SLC11A1: variants seen among roughly 807,000 people sequenced by gnomAD.
The protein encoded by SLC11A1 is natural resistance-associated macrophage protein 1.
SLC11A1 carries 59 observed loss-of-function variants against 63.2 expected under a neutral mutation model. The ratio of observed to expected loss-of-function variants is 0.93; its 90% CI spans 0.76 to 1.16. The LOEUF is 1.16. SLC11A1 is among the 50% of genes most tolerant of loss of function. The pLI, the probability that SLC11A1 is intolerant of heterozygous loss-of-function variation, is 0.00. For synonymous variants in SLC11A1, 305 were observed against 307.8 expected (o/e 0.99, Z 0.09); for missense variants, 688 against 730.7 (o/e 0.94, Z 0.67).
rs754247821 is a variant in SLC11A1 at position 218,389,880 on chromosome 2, T to C, written c.806T>C (p.Ile269Thr). ...LHSALVKSRE[I>T]DRARRADIRE... ...CTTTGATCTTCGTAGTCTCGAGAGA[T>C]AGACCGGGCCCGCCGAGCAGACATC... The change falls in exon 9 of 15, where the codon ATA (isoleucine) becomes ACA (threonine). Residue 269 changes from isoleucine to threonine, a missense_variant. Transcript: ENST00000233202. The C allele has an allele frequency of 5.1e-5, 82 of 1,611,020 alleles. 1 individual carries two copies. The South Asian group carries it at 8.4e-4, about 16-fold the overall frequency.
chr2:218,390,800 C>T (rs1432672941), intron 9 of SLC11A1, among the ~76,000 whole-genome samples: 8 of 152,174 alleles, frequency 5.3e-5, no homozygotes, highest in Admixed American at 5.2e-4. Context: ...GTGATGCCAG[C>T]TCTTACGAAC....
At position 218,394,148 on chromosome 2, in the gene SLC11A1, C is replaced by T. The variant is rs762026701; in HGVS notation, c.1343C>T (p.Thr448Met). Reference sequence around the variant, plus strand: ...CCGTTCGCCGTGCTGCCCATCCTCACGTTCACCAGCATGCCCACCCTCATG... The same window carrying T: ...CCGTTCGCCGTGCTGCCCATCCTCATGTTCACCAGCATGCCCACCCTCATG... ...LLPFAVLPIL[T>M]FTSMPTLMQE... is the part of the protein sequence containing the mutation. Residue 448 changes from threonine to methionine, a missense_variant, in exon 13 of 15, where the codon ACG becomes ATG. Physicochemically the swap from Thr to Met is moderately conservative, Grantham distance 81 (BLOSUM62 -1). Transcript: ENST00000233202. The T allele has an allele frequency of 2.8e-5, 46 of 1,614,054 alleles. No individual in the cohort carries two copies. The African/African-American group carries it at 3.5e-4, about 12-fold the overall frequency.
At chr2:218,382,476 C>G (rs1695859339) in intron 1 of SLC11A1, 101 bp downstream of exon 1, 1 of 1,313,676 alleles carries the variant, frequency 7.6e-7, no homozygotes, top group Non-Finnish European at 1.1e-6. Context: ...CCTTGGTCCC[C>G]TGTGGAAGCC....
intron 14 of SLC11A1, 60 bp downstream of exon 14, chr2:218,394,845 T>A: frequency 6.2e-7 from 1 of 1,607,842 alleles, no homozygotes; most frequent in Non-Finnish European, 8.5e-7. Flanking sequence ...AGGCAACCAA[T>A]GGGGAGGGTT....
intron 9 of SLC11A1, among the ~76,000 whole-genome samples, chr2:218,390,479 C>G (rs1174957337): frequency 6.6e-6 from 1 of 152,196 alleles, no homozygotes; most frequent in Non-Finnish European, 1.5e-5. Context: ...GGATCTGGGA[C>G]CTGTGTCTGT....
Position 218,385,201 on chromosome 2 carries a change from G to A in SLC11A1, c.328G>A (p.Ala110Thr). 1 of 1,614,066 alleles carries A rather than the reference G, an allele frequency of 6.2e-7. No homozygotes were observed. Among genetic ancestry groups the A allele is most frequent in the Non-Finnish European group, 8.5e-7 (1 of 1,179,948 alleles). Residue 110 changes from alanine to threonine, a missense_variant, in exon 4 of 15, where the codon GCT (alanine) becomes ACT (threonine). Transcript: ENST00000233202. ...GTTGGGCTTGCTCTGCCAGCGACTG[G>A]CTGCACGTCTGGGCGTGGTGACAGG... ...TVLGLLCQRL[A>T]ARLGVVTGKD...
rs780596329 is a variant in SLC11A1 at position 218,385,088 on chromosome 2, C to T, written c.274-59C>T. 4.2e-4 allele frequency: 681 copies of T among 1,606,290 alleles called. 1 individual carries two copies. The highest frequency in any genetic ancestry group is 5.2e-4 in the Non-Finnish European group (611 of 1,177,964). On this transcript the variant is annotated intron_variant, in intron 3 of 14. Transcript: ENST00000233202. ...ATGCTTGGTTAGAGGGTACCACGAG[C>T]TCAGGGGCTTTCTGAGGCTGGCCTC...
At chr2:218,387,133 G>A (rs369704786) in intron 5 of SLC11A1, 27 bp from the exon 6 acceptor site, 4 of 1,611,710 alleles carry the variant, frequency 2.5e-6, no homozygotes, top group Non-Finnish European at 3.4e-6. Flanking sequence ...GACCAGGCTG[G>A]GCTGACCCGG....
intron 2 of SLC11A1, 26 bp downstream of exon 2, chr2:218,383,128 G>A (rs1695894639): frequency 1.9e-6 from 3 of 1,611,302 alleles, no homozygotes; most frequent in African/African-American, 1.3e-5. Context: ...CTTCCTGGGG[G>A]CTTGCAAGAT....
intron 8 of SLC11A1, 95 bp downstream of exon 8, chr2:218,388,050 C>A (rs765392999): frequency 2.0e-5 from 28 of 1,372,058 alleles, no homozygotes; most frequent in Non-Finnish European, 2.7e-5. Flanking sequence ...CTGGCTCCTT[C>A]CCTCAGGATT....
chr2:218,394,613 C>G lies in SLC11A1; in HGVS notation c.1389-19C>G. On this transcript the variant is annotated intron_variant, in intron 13 of 14. Transcript: ENST00000233202. ...CCAGCAGCAACCAGCCAGTCCTGAG[C>G]CTCTCTCGTGTCCCCCAGGCTGAAC... The G allele has an allele frequency of 6.2e-7, 1 of 1,611,910 alleles. No individual in the cohort carries two copies. Among genetic ancestry groups the G allele is most frequent in the African/African-American group, 1.3e-5 (1 of 75,070 alleles).
At chr2:218,393,210 A>G in intron 12 of SLC11A1, 80 bp downstream of exon 12, 9 of 1,348,934 alleles carry the variant, frequency 6.7e-6, no homozygotes, top group Non-Finnish European at 8.7e-6. Flanking sequence ...TGAGCCTTGC[A>G]TGGGCCTGCC....
intron 4 of SLC11A1, among the ~76,000 whole-genome samples, chr2:218,385,774 C>A (rs1452291239): frequency 1.3e-5 from 2 of 152,112 alleles, no homozygotes; most frequent in Non-Finnish European, 1.5e-5. Flanking sequence ...TGTCATTTCA[C>A]AGAAGGGGTA....
intron 13 of SLC11A1, 66 bp downstream of exon 13, chr2:218,394,259 G>A (rs1408506900): frequency 1.3e-6 from 2 of 1,492,884 alleles, no homozygotes; most frequent in Admixed American, 3.4e-5. Context: ...CCACCCAGAG[G>A]TACGAGCTAC....
rs574218920 is a variant in SLC11A1, at chr2:218,396,602, C to G, written c.*1567C>G. 6.6e-6 allele frequency: 1 copy of G among 152,660 alleles called. No individual in the cohort carries two copies. Among genetic ancestry groups the G allele is most frequent in the South Asian group, 2.1e-4 (1 of 4,842 alleles). 9.5% of individuals were successfully genotyped at this position (152,660 alleles called of 1,614,324 possible). ...TCCCTCAAGGAGAGAAGAGATGGGACCGGTCTGGTGCGACCTGGGCAAGCG... is the reference window on the plus strand; with the variant it reads ...TCCCTCAAGGAGAGAAGAGATGGGAGCGGTCTGGTGCGACCTGGGCAAGCG... On this transcript the variant is annotated 3_prime_UTR_variant, in exon 15 of 15. Transcript: ENST00000233202.
At position 218,387,576 on chromosome 2, in the gene SLC11A1, C is replaced by G; in HGVS notation, c.583C>G (p.Leu195Val). The G allele has an allele frequency of 1.2e-6, 2 of 1,614,176 alleles. No homozygotes were observed. Among genetic ancestry groups the G allele is most frequent in the Non-Finnish European group, 1.7e-6 (2 of 1,180,014 alleles). The part of the protein sequence containing the change: ...LFLDNYGLRK[L>V]EAFFGLLITI... ...GTTCTGCTCCGTAGGGCTGCGGAAGCTGGAAGCTTTTTTTGGACTCCTTAT... is the reference window on the plus strand; with the variant it reads ...GTTCTGCTCCGTAGGGCTGCGGAAGGTGGAAGCTTTTTTTGGACTCCTTAT... The change falls in exon 7 of 15, where the codon CTG (leucine) becomes GTG (valine). Residue 195 changes from leucine to valine, a missense_variant. By Grantham distance (32) the Leu-to-Val change is conservative. Coordinates refer to ENST00000233202, the MANE Select transcript of SLC11A1 (RefSeq NM_000578.4).
At chr2:218,391,315 G>A in intron 10 of SLC11A1, 28 bp downstream of exon 10, 9 of 1,614,052 alleles carry the variant, frequency 5.6e-6, no homozygotes, top group Non-Finnish European at 7.6e-6. Context: ...GGGAGGGCGT[G>A]ACCCAGAGAG....
At position 218,385,280 on chromosome 2, in the gene SLC11A1, G is replaced by A. The variant is rs3731865; in HGVS notation, c.393+14G>A. On this transcript the variant is annotated intron_variant, in intron 4 of 14. Coordinates refer to ENST00000233202, the MANE Select transcript of SLC11A1 (RefSeq NM_000578.4). ...TACTACCCTAAGGTGAGCTTGGGGGGCCTGGACAGGGAGAACCACTGGCCC... is the reference window on the plus strand; with the variant it reads ...TACTACCCTAAGGTGAGCTTGGGGGACCTGGACAGGGAGAACCACTGGCCC... The A allele has an allele frequency of 3.1e-6, 5 of 1,613,448 alleles. No individual in the cohort carries two copies. The highest frequency in any genetic ancestry group is 1.3e-5 in the African/African-American group (1 of 74,912).
In SLC11A1 at chr2:218,384,155, T is replaced by TG; in HGVS notation, c.151-84dup. On this transcript the variant is annotated intron_variant, in intron 2 of 14. Coordinates refer to ENST00000233202, the MANE Select transcript of SLC11A1 (RefSeq NM_000578.4). This position sits in a 1 kb window ranked among gnomAD's most constrained non-coding sequence, Gnocchi z 4.0. Reference sequence around the variant, plus strand: ...GGCAGGGCTGGGCTGATGAGCCTGTTGGGGCTCCTCTAGGGGATGGCCAAG... The same window carrying TG: ...GGCAGGGCTGGGCTGATGAGCCTGTTGGGGGCTCCTCTAGGGGATGGCCAAG... 1 of 1,399,250 alleles carries TG rather than the reference T, an allele frequency of 7.1e-7. No homozygotes were observed. The allele number at this position is 1,399,250 out of a possible 1,614,324, so 86.7% of individuals were successfully genotyped here.
Sources: gnomAD v4.1 joint callset for allele counts (sites outside exome capture counted in the v4.1 genomes callset) on GRCh38, gnomAD v4.1.1 for gene constraint, Gnocchi (gnomAD v3.1) non-coding constraint, MANE v1.5 for transcripts, NCBI Gene and HGNC (gene_info 2026-07-23, HGNC 2026-07-21) for gene names.